Variants in GLRB observed in about 807,000 individuals in gnomAD.
GLRB encodes the protein glycine receptor beta.
A neutral mutation model predicts 54.2 loss-of-function variants in GLRB; 33 were observed. That is an observed-to-expected ratio of 0.61 (90% confidence interval 0.46 to 0.81). The LOEUF (loss-of-function observed/expected upper bound fraction) is 0.81, where lower values mean the gene tolerates loss of function less well. Ranked by LOEUF, GLRB falls within the 40% of genes least tolerant of loss-of-function variation. GLRB has a pLI of 0.00. For synonymous variants in GLRB, 209 were observed against 208.2 expected (o/e 1.00, Z -0.03); for missense variants, 572 against 584.6 (o/e 0.98, Z 0.22).
intron 9 of GLRB, among the ~76,000 whole-genome samples, chr4:157,169,834 G>A (rs569236624): frequency 1.0e-3 from 159 of 152,182 alleles, no homozygotes; most frequent in East Asian, 4.2e-3. Context: ...TTGTCTGAGC[G>A]TGATTGGTTA....
intron 2 of GLRB, among the ~76,000 whole-genome samples, chr4:157,094,548 A>G (rs1343687320): frequency 6.6e-6 from 1 of 152,222 alleles, no homozygotes; most frequent in Non-Finnish European, 1.5e-5. Context: ...TTAAGAAAAA[A>G]GCAGACAACC....
At chr4:157,099,551 G>C (rs1245034233) in intron 2 of GLRB, among the ~76,000 whole-genome samples, 1 of 151,934 alleles carries the variant, frequency 6.6e-6, no homozygotes, top group African/African-American at 2.4e-5. Flanking sequence ...TGGCCAGGCT[G>C]TCTGGAACTC....
At chr4:157,148,040 G>A (rs1560969562) in intron 8 of GLRB, among the ~76,000 whole-genome samples, 1 of 152,142 alleles carries the variant, frequency 6.6e-6, no homozygotes, top group Non-Finnish European at 1.5e-5. Context: ...AGAGAAGGCA[G>A]AGTATATGGA....
rs561249711 is a variant in GLRB at position 157,134,467 on chromosome 4, G to T, written c.298-2002G>T. Among the ~76,000 whole-genome samples the T allele has an allele frequency of 6.6e-5, 10 of 151,834 alleles. No individual in the cohort carries two copies. The East Asian group carries it at 1.9e-3, about 29-fold the overall frequency. On this transcript the variant is annotated intron_variant, in intron 4 of 9. Coordinates refer to ENST00000264428, the MANE Select transcript of GLRB (RefSeq NM_000824.5). ...ATAGTTTCACTGCCCTCCAACCTGG[G>T]CAACAGAGCAAGACCCTGTCTCAAA... is the stretch of plus-strand genomic sequence containing the variant.
At position 157,138,833 on chromosome 4, in the gene GLRB, G is replaced by A. The variant is rs775213669; in HGVS notation, c.635G>A (p.Arg212Gln). The A allele has an allele frequency of 1.2e-5, 18 of 1,559,504 alleles. No homozygotes were observed. Among genetic ancestry groups the A allele is most frequent in the East Asian group, 6.8e-5 (3 of 44,418 alleles). ...GTTGGTTACACAACTGATGATTTAC[G>A]ATTTATCTGGCAGTCAGGAGATCCT... ...ESFGYTTDDL[R>Q]FIWQSGDPVQ... is the part of the protein sequence containing the mutation. The change falls in exon 7 of 10, where the codon CGA becomes CAA. Residue 212 changes from arginine to glutamine, a missense_variant. Transcript: ENST00000264428.
intron 2 of GLRB, among the ~76,000 whole-genome samples, chr4:157,092,541 A>G (rs955660282): frequency 6.6e-6 from 1 of 152,214 alleles, no homozygotes; most frequent in Non-Finnish European, 1.5e-5. Flanking sequence ...AGTTAAATAT[A>G]GAACACCTAA....
intron 8 of GLRB, among the ~76,000 whole-genome samples, chr4:157,144,970 T>G (rs192625381): frequency 1.3e-5 from 2 of 152,306 alleles, no homozygotes; most frequent in Non-Finnish European, 2.9e-5. Context: ...TCATCATGGA[T>G]AAAAACTATG....
intron 9 of GLRB, among the ~76,000 whole-genome samples, chr4:157,159,610 G>A (rs1234068063): frequency 6.6e-6 from 1 of 152,070 alleles, no homozygotes; most frequent in Non-Finnish European, 1.5e-5. Context: ...TTTGTCTTTG[G>A]TTCTGTTTAT....
At chr4:157,109,603 T>A (rs1735344173) in intron 2 of GLRB, among the ~76,000 whole-genome samples, 2 of 152,038 alleles carry the variant, frequency 1.3e-5, no homozygotes, top group South Asian at 4.2e-4. Context: ...GGTGATAGTG[T>A]TGGATCACAC....
At chr4:157,115,757 C>A (rs964188198) in intron 2 of GLRB, among the ~76,000 whole-genome samples, 4 of 151,724 alleles carry the variant, frequency 2.6e-5, no homozygotes, top group Non-Finnish European at 5.9e-5. Context: ...GAATCACTGC[C>A]TTAGAGCATG....
chr4:157,131,060 T>C (rs1736197671), intron 4 of GLRB, among the ~76,000 whole-genome samples: 1 of 151,662 alleles, frequency 6.6e-6, no homozygotes, highest in Admixed American at 6.6e-5. Flanking sequence ...ACAGAAATCA[T>C]TAGTAACATC....
intron 2 of GLRB, among the ~76,000 whole-genome samples, chr4:157,087,763 G>A (rs1454529748): frequency 6.6e-6 from 1 of 151,384 alleles, no homozygotes; most frequent in Non-Finnish European, 1.5e-5. Flanking sequence ...ACAGATTAAG[G>A]AATTCGACTT....
At chr4:157,168,519 C>T (rs1050914449) in intron 9 of GLRB, among the ~76,000 whole-genome samples, 4 of 152,164 alleles carry the variant, frequency 2.6e-5, no homozygotes, top group African/African-American at 9.6e-5. Context: ...CTATTAAATA[C>T]TACCTCAAAG....
chr4:157,136,639 G>A lies in GLRB; in HGVS notation c.468G>A (p.Val156=). ...ANEKSANFHD[V]TQENILLFIF... is the part of the protein sequence containing the mutation. ...AAAAAAGTGCCAATTTTCATGATGT[G>A]ACCCAGGAAAACATCCTCCTCTTTA... The change falls in exon 5 of 10, where the codon GTG becomes GTA. Residue 156 remains valine (V), a synonymous_variant. Coordinates refer to ENST00000264428, the MANE Select transcript of GLRB (RefSeq NM_000824.5). The A allele has an allele frequency of 6.2e-7, 1 of 1,613,294 alleles. No individual in the cohort carries two copies. Among genetic ancestry groups the A allele is most frequent in the Non-Finnish European group, 8.5e-7 (1 of 1,179,366 alleles).
chr4:157,137,865 C>T (rs945290627), intron 6 of GLRB, among the ~76,000 whole-genome samples: 3 of 152,148 alleles, frequency 2.0e-5, no homozygotes, highest in African/African-American at 7.2e-5. Context: ...TAAAATATTA[C>T]TTTCAAAAAT....
chr4:157,095,861 G>A (rs1004731879), intron 2 of GLRB, among the ~76,000 whole-genome samples: 7 of 152,044 alleles, frequency 4.6e-5, no homozygotes, highest in Non-Finnish European at 8.8e-5. Context: ...AGTCATGCTC[G>A]AATATTTACT....
chr4:157,158,629 A>G (rs1202663777), intron 9 of GLRB, among the ~76,000 whole-genome samples: 1 of 152,170 alleles, frequency 6.6e-6, no homozygotes, highest in East Asian at 1.9e-4. Flanking sequence ...TTTGTCAAAG[A>G]TCAGATGGTT....
intron 9 of GLRB, among the ~76,000 whole-genome samples, chr4:157,159,129 G>T (rs1238161078): frequency 6.6e-6 from 1 of 152,080 alleles, no homozygotes; most frequent in African/African-American, 2.4e-5. Context: ...TTGGCTCTCT[G>T]TTTTTCTGTT....
Position 157,123,065 on chromosome 4 carries a change from T to C in GLRB, c.297+668T>C, listed in dbSNP as rs572314165. The stretch of plus-strand genomic sequence containing the variant: ...GGACAAAGTTTTCAGTAAAGTAATA[T>C]TAGTAGATTTCCTAAGCCTCTTGAA... On this transcript the variant is annotated intron_variant, in intron 4 of 9. Coordinates refer to ENST00000264428, the MANE Select transcript of GLRB (RefSeq NM_000824.5). Among the ~76,000 whole-genome samples the C allele has an allele frequency of 1.6e-4, 24 of 151,834 alleles. 1 individual carries two copies. Among genetic ancestry groups the C allele is most frequent in the African/African-American group, 4.8e-4 (20 of 41,504 alleles).
Sources: allele counts gnomAD v4.1 joint callset (sites outside exome capture counted in the v4.1 genomes callset), GRCh38; gene constraint gnomAD v4.1.1; transcripts MANE v1.5; gene names NCBI Gene and HGNC (gene_info 2026-07-23, HGNC 2026-07-21).